TPTE2: variants seen among roughly 807,000 people sequenced by gnomAD.
The protein encoded by TPTE2 is transmembrane phosphoinositide 3-phosphatase and tensin homolog 2.
TPTE2 carries 53 observed loss-of-function variants against 78.6 expected under a neutral mutation model. That is an observed-to-expected ratio of 0.67 (90% CI 0.54 to 0.85). TPTE2 has a LOEUF of 0.85. Among genes scored for constraint, TPTE2 ranks in the 40% least tolerant of loss-of-function variants. TPTE2 has a pLI of 0.00. For synonymous variants in TPTE2, 175 were observed against 206.2 expected (o/e 0.85, Z 1.30); for missense variants, 461 against 623.0 (o/e 0.74, Z 2.77).
chr13:19,481,506 A>T (rs1880356577), intron 4 of TPTE2, among the ~76,000 whole-genome samples: 2 of 152,202 alleles, frequency 1.3e-5, no homozygotes, highest in South Asian at 4.1e-4. Flanking sequence ...AAACACCAGC[A>T]TTTCTCACAG....
chr13:19,469,435 T>C (rs538915415), intron 6 of TPTE2, among the ~76,000 whole-genome samples: 11 of 152,284 alleles, frequency 7.2e-5, no homozygotes, highest in Admixed American at 3.9e-4. Context: ...AGTTCTGTAG[T>C]ATAATTTGAA....
chr13:19,473,783 A>G (rs1849711093), intron 6 of TPTE2, 131 bp downstream of exon 9: 2 of 749,726 alleles, frequency 2.7e-6, no homozygotes, highest in Non-Finnish European at 3.9e-6. Context: ...TTTAATAGAG[A>G]CGGGGTTTCA....
chr13:19,496,707 G>C (rs1349750210), intron 1 of TPTE2, among the ~76,000 whole-genome samples: 1 of 152,156 alleles, frequency 6.6e-6, no homozygotes, highest in African/African-American at 2.4e-5. Context: ...ATTGCAAATA[G>C]GATTTTCTCC....
chr13:19,534,775 T>C (rs1199782445), intron 1 of TPTE2, among the ~76,000 whole-genome samples: 1 of 152,198 alleles, frequency 6.6e-6, no homozygotes, highest in Admixed American at 6.5e-5. Context: ...TTGCATGCCA[T>C]GTATAAATGC....
chr13:19,493,256 C>T (rs1343326718), intron 2 of TPTE2, among the ~76,000 whole-genome samples, 192 bp downstream of exon 5: 2 of 151,690 alleles, frequency 1.3e-5, no homozygotes, highest in Admixed American at 6.6e-5. Flanking sequence ...TCTCCTTTCT[C>T]CTTGGTCTAT....
chr13:19,460,040 G>C (rs1441204864), intron 10 of TPTE2, among the ~76,000 whole-genome samples: 1 of 152,290 alleles, frequency 6.6e-6, no homozygotes, highest in Middle Eastern at 3.4e-3. Context: ...CCTGGATTCA[G>C]CCCACTTCCC....
rs1376689514 is a variant in TPTE2, at chr13:19,492,917, A to G, written c.66-14T>C. The G allele has an allele frequency of 6.2e-7, 1 of 1,613,864 alleles. No individual in the cohort carries two copies. Among genetic ancestry groups the G allele is most frequent in the Non-Finnish European group, 8.5e-7 (1 of 1,179,848 alleles). Reference sequence around the variant, plus strand: ...CTTGTGTGTGGGCTAGAGGATGATAAAAGAATACAGTCAGATAGGAGACAC... The same window carrying G: ...CTTGTGTGTGGGCTAGAGGATGATAGAAGAATACAGTCAGATAGGAGACAC... On this transcript the variant is annotated splice_polypyrimidine_tract_variant and intron_variant, in intron 2 of 19. Transcript: ENST00000400230.
At chr13:19,502,773 A>G (rs1364823091) in intron 1 of TPTE2, among the ~76,000 whole-genome samples, 1 of 152,014 alleles carries the variant, frequency 6.6e-6, no homozygotes, top group Non-Finnish European at 1.5e-5. Flanking sequence ...CAATGTGCAC[A>G]TGTACCCTAA....
At chr13:19,464,565 C>T in intron 9 of TPTE2, 45 bp from the exon 13 acceptor site, 1 of 1,570,146 alleles carries the variant, frequency 6.4e-7, no homozygotes, top group Non-Finnish European at 8.6e-7. Flanking sequence ...TTATAGATTT[C>T]ATATAACACA....
chr13:19,539,478 TTG>T (rs1871377289), upstream of TPTE2, among the ~76,000 whole-genome samples: 2 of 152,198 alleles, frequency 1.3e-5, no homozygotes, highest in African/African-American at 4.8e-5. Context: ...CGCTTTCTGA[TTG>T]TGAGGCCTCC....
rs1159877957 is a variant in TPTE2 at position 19,451,841 on chromosome 13, G to GTATA, written c.742-617_742-616insTATA. 6.3e-3 allele frequency among the ~76,000 whole-genome samples: 751 copies of GTATA among 119,808 alleles called. 3 individuals carry two copies. The highest frequency in any genetic ancestry group is 8.1e-3 in the Non-Finnish European group (432 of 53,606). 78.6% of individuals were successfully genotyped at this position (119,808 alleles called of 152,430 possible). A position where few individuals can be genotyped will look rare whatever the true frequency, so the allele number is the denominator to read the frequency against. ...TGTGTGTGTGTGTGTGTGTGTGTGT[G>GTATA]TGTATATATGTATAACCTTTAAAAT... On this transcript the variant is annotated intron_variant, in intron 10 of 19. Transcript: ENST00000400230.
chr13:19,430,446 C>A (rs1243993179), intron 17 of TPTE2, 22 bp downstream of exon 20: 1 of 1,578,232 alleles, frequency 6.3e-7, no homozygotes, highest in Non-Finnish European at 8.7e-7. Context: ...CAGATTTTTT[C>A]AATTCACATG....
chr13:19,517,352 C>T (rs1869859015), intron 1 of TPTE2, among the ~76,000 whole-genome samples: 1 of 152,116 alleles, frequency 6.6e-6, no homozygotes, highest in Non-Finnish European at 1.5e-5. Flanking sequence ...CAAATCTTGA[C>T]CCAATTCCTG....
intron 3 of TPTE2, among the ~76,000 whole-genome samples, chr13:19,489,388 A>T (rs894600824): frequency 6.6e-6 from 1 of 151,910 alleles, no homozygotes; most frequent in African/African-American, 2.4e-5. Flanking sequence ...ATAAAACAAG[A>T]TATACCTGCA....
At chr13:19,464,578 A>C in intron 9 of TPTE2, 58 bp from the exon 13 acceptor site, 1 of 1,562,444 alleles carries the variant, frequency 6.4e-7, no homozygotes, top group Non-Finnish European at 8.7e-7. Context: ...ATAACACAAA[A>C]AAAATTAATT....
At position 19,490,232 on chromosome 13, in the gene TPTE2, T is replaced by C. The variant is rs572386925; in HGVS notation, c.119+2618A>G. On this transcript the variant is annotated intron_variant, in intron 3 of 19. Transcript: ENST00000400230. ...CCATATTTTGAAATCTCACCCATCATTGATGACTCTACCACTCATTGCTCT... is the reference window on the plus strand; with the variant it reads ...CCATATTTTGAAATCTCACCCATCACTGATGACTCTACCACTCATTGCTCT... 1.5e-4 allele frequency among the ~76,000 whole-genome samples: 23 copies of C among 152,314 alleles called. No individual in the cohort carries two copies. In the South Asian group the frequency reaches 4.1e-3, roughly 27 times the overall value.
chr13:19,548,503 C>G, the TPTE2 span, among the ~76,000 whole-genome samples: 1 of 151,858 alleles, frequency 6.6e-6, no homozygotes, highest in Admixed American at 6.6e-5. Flanking sequence ...TTCCAGATAC[C>G]ATAGAGGATA....
intron 10 of TPTE2, among the ~76,000 whole-genome samples, chr13:19,454,732 G>GA (rs1194842638): frequency 3.9e-5 from 6 of 151,976 alleles, no homozygotes; most frequent in Admixed American, 1.3e-4. Flanking sequence ...GATCACCCCA[G>GA]AAAAAAATAG....
chr13:19,526,237 A>G (rs575624711), intron 1 of TPTE2, among the ~76,000 whole-genome samples: 1 of 152,340 alleles, frequency 6.6e-6, no homozygotes, highest in South Asian at 2.1e-4. Flanking sequence ...ATGCACACAT[A>G]TGTTCATCGC....
Sources: gnomAD v4.1 joint callset for allele counts (sites outside exome capture counted in the v4.1 genomes callset) on GRCh38, gnomAD v4.1.1 for gene constraint, MANE v1.5 for transcripts, NCBI Gene and HGNC (gene_info 2026-07-23, HGNC 2026-07-21) for gene names.